TAFA2: variants seen among roughly 807,000 people sequenced by gnomAD.
TAFA2 encodes the protein chemokine-like protein TAFA-2.
In TAFA2, 7 loss-of-function variants were observed where a neutral mutation model predicts 18.8. The ratio of observed to expected loss-of-function variants is 0.37; its 90% CI spans 0.21 to 0.70. The LOEUF is 0.70. TAFA2 is among the 30% of genes least tolerant of loss of function. The pLI is 0.53. For missense variants in TAFA2, 122 were observed against 158.1 expected (o/e 0.77, Z 1.23); for synonymous variants, 60 against 54.2 (o/e 1.11, Z -0.47).
chr12:62,181,879 GA>G (rs1246776278), intron 1 of TAFA2, among the ~76,000 whole-genome samples: 1 of 152,028 alleles, frequency 6.6e-6, no homozygotes, highest in African/African-American at 2.4e-5. Context: ...ATCACTTATG[GA>G]AAGTTATTTA....
At chr12:62,217,957 TTTATG>T (rs1350473734) in intron 1 of TAFA2, among the ~76,000 whole-genome samples, 1 of 124,738 alleles carries the variant, frequency 8.0e-6, no homozygotes, top group African/African-American at 3.5e-5. Flanking sequence ...TTTATCTATT[TTTATG>T]TATGTATTTA....
chr12:62,026,318 A>G (rs931900347), intron 1 of TAFA2, among the ~76,000 whole-genome samples: 1 of 152,168 alleles, frequency 6.6e-6, no homozygotes, highest in African/African-American at 2.4e-5. Context: ...AAAGAAAAAC[A>G]TAAGTTCCTT....
intron 1 of TAFA2, among the ~76,000 whole-genome samples, chr12:61,928,942 A>G (rs1448628422): frequency 6.6e-6 from 1 of 152,118 alleles, no homozygotes; most frequent in Non-Finnish European, 1.5e-5. Context: ...CTCACTCAAA[A>G]GTGGGAGTTG....
rs1377116272 is a variant in TAFA2 at position 62,192,189 on chromosome 12, A to G, written c.-932T>C. On this transcript the variant is annotated 5_prime_UTR_variant, in exon 1 of 5. Transcript: ENST00000416284. ...ACTCCTGGCCAGCTTCAGCCCCTCA[A>G]TCCCGCCTCGAAGTGCTGCGGGCAG... 2.0e-5 allele frequency: 3 copies of G among 152,082 alleles called. No homozygotes were observed. The highest frequency in any genetic ancestry group is 4.4e-5 in the Non-Finnish European group (3 of 68,146). 9.4% of individuals were successfully genotyped at this position (152,082 alleles called of 1,614,324 possible). A position where few individuals can be genotyped will look rare whatever the true frequency, so the allele number is the denominator to read the frequency against.
intron 1 of TAFA2, among the ~76,000 whole-genome samples, chr12:61,875,901 A>G (rs569792104): frequency 1.3e-4 from 19 of 151,842 alleles, no homozygotes; most frequent in Admixed American, 7.8e-4. Flanking sequence ...TCTGGAGATG[A>G]CTACATTTCA....
intron 1 of TAFA2, among the ~76,000 whole-genome samples, chr12:62,139,115 C>G (rs2062220452): frequency 2.0e-5 from 3 of 152,090 alleles, no homozygotes; most frequent in Admixed American, 2.0e-4. Context: ...AGCTGTTTAC[C>G]TTTACCAACC....
chr12:61,769,578 C>T (rs1210452132), intron 2 of TAFA2, among the ~76,000 whole-genome samples: 1 of 152,006 alleles, frequency 6.6e-6, no homozygotes, highest in Admixed American at 6.6e-5. Context: ...TTTGAAGACA[C>T]CCCCCAGTAC....
intron 2 of TAFA2, among the ~76,000 whole-genome samples, chr12:61,763,252 T>C (rs1214042505): frequency 1.3e-5 from 2 of 151,942 alleles, no homozygotes; most frequent in Non-Finnish European, 2.9e-5. Context: ...CACTTTTATA[T>C]GGAAAAAAGA....
At chr12:61,979,327 T>C (rs1401759459) in intron 1 of TAFA2, among the ~76,000 whole-genome samples, 1 of 152,154 alleles carries the variant, frequency 6.6e-6, no homozygotes, top group African/African-American at 2.4e-5. Flanking sequence ...ATCACTGCCT[T>C]CCTGGGTAAA....
intron 1 of TAFA2, among the ~76,000 whole-genome samples, chr12:61,909,525 G>C (rs1876510845): frequency 6.6e-6 from 1 of 152,168 alleles, no homozygotes; most frequent in South Asian, 2.1e-4. Flanking sequence ...CAATATTTAA[G>C]GAGAAGCAAA....
At position 61,713,925 on chromosome 12, in the gene TAFA2, G is replaced by A. The variant is rs1218763587; in HGVS notation, c.385-3508C>T. Among the ~76,000 whole-genome samples the A allele has an allele frequency of 2.6e-5, 4 of 152,136 alleles. No individual in the cohort carries two copies. In the East Asian group the frequency reaches 5.8e-4, roughly 22 times the overall value. ...AACATTTTAAAAAGTATAAGGAATC[G>A]TTAATATATCAAATTAAGCATTGCC... is the stretch of plus-strand genomic sequence containing the variant. On this transcript the variant is annotated intron_variant, in intron 4 of 4. Coordinates refer to ENST00000416284, the MANE Select transcript of TAFA2 (RefSeq NM_178539.5).
intron 1 of TAFA2, among the ~76,000 whole-genome samples, chr12:62,203,197 A>C (rs1357582945): frequency 6.6e-6 from 1 of 152,206 alleles, no homozygotes; most frequent in Non-Finnish European, 1.5e-5. Flanking sequence ...CTGTGGTCTG[A>C]GAGACTGTTT....
At chr12:62,168,723 A>C (rs1463762443) in intron 1 of TAFA2, among the ~76,000 whole-genome samples, 2 of 152,014 alleles carry the variant, frequency 1.3e-5, no homozygotes, top group African/African-American at 4.8e-5. Context: ...TGTGGTCCCA[A>C]GTACTCTGGA....
chr12:62,011,672 T>A (rs541726690), intron 1 of TAFA2, among the ~76,000 whole-genome samples: 2 of 151,526 alleles, frequency 1.3e-5, no homozygotes, highest in African/African-American at 4.9e-5. Context: ...GTTTATCTGC[T>A]GACCTTCTCT....
At chr12:61,866,255 C>T (rs568518802) in intron 2 of TAFA2, among the ~76,000 whole-genome samples, 3 of 152,192 alleles carry the variant, frequency 2.0e-5, no homozygotes, top group East Asian at 1.9e-4. Context: ...ATTTTAAATA[C>T]AGGGGGAAGA....
chr12:61,966,366 G>C (rs550482453), intron 1 of TAFA2, among the ~76,000 whole-genome samples: 7 of 152,006 alleles, frequency 4.6e-5, no homozygotes, highest in Non-Finnish European at 7.4e-5. Context: ...ACTGGTGGAA[G>C]AGAAAGAGGG....
intron 1 of TAFA2, among the ~76,000 whole-genome samples, chr12:62,047,919 T>C (rs1209558361): frequency 6.6e-6 from 1 of 151,916 alleles, no homozygotes; most frequent in East Asian, 1.9e-4. Context: ...CTTCAAAATA[T>C]CACAAGAAAA....
intron 1 of TAFA2, among the ~76,000 whole-genome samples, chr12:62,050,241 T>C (rs1882015200): frequency 6.6e-6 from 1 of 151,920 alleles, no homozygotes; most frequent in South Asian, 2.1e-4. Flanking sequence ...TATAATTGCC[T>C]CTCTCACCAA....
intron 1 of TAFA2, among the ~76,000 whole-genome samples, chr12:61,995,879 T>C (rs898198640): frequency 1.1e-4 from 16 of 151,970 alleles, no homozygotes; most frequent in African/African-American, 2.2e-4. Flanking sequence ...AACAAATAAA[T>C]AAGCATTTGT....
Sources: gnomAD v4.1 joint callset for allele counts (sites outside exome capture counted in the v4.1 genomes callset) on GRCh38, gnomAD v4.1.1 for gene constraint, MANE v1.5 for transcripts, NCBI Gene and HGNC (gene_info 2026-07-23, HGNC 2026-07-21) for gene names.